Variants in CYP26C1 observed in about 807,000 individuals in gnomAD.
CYP26C1 encodes cytochrome P450 family 26 subfamily C member 1, also known as cytochrome P450 26C1.
CYP26C1 carries 41 observed loss-of-function variants against 39.1 expected under a neutral mutation model. The observed-to-expected ratio is 1.05, with a 90% CI of 0.82 to 1.36. The LOEUF is 1.36. Ranked by LOEUF, CYP26C1 falls within the 40% of genes most tolerant of loss-of-function variation. The pLI, the probability that CYP26C1 is intolerant of heterozygous loss-of-function variation, is 0.00. For missense variants in CYP26C1, 833 were observed against 752.0 expected (o/e 1.11, Z -1.26); for synonymous variants, 362 against 350.8 (o/e 1.03, Z -0.36).
At chr10:93,064,813 T>C (rs557397500) in intron 4 of CYP26C1, 35 of 1,132,458 alleles carry the variant, frequency 3.1e-5, no homozygotes, top group Non-Finnish European at 3.8e-5. Flanking sequence ...AATGGCTCTC[T>C]CTCCTTTCCT....
chr10:93,061,283 G>C lies in CYP26C1; in HGVS notation c.20G>C (p.Ser7Thr). 6.3e-7 allele frequency: 1 copy of C among 1,589,588 alleles called. No individual in the cohort carries two copies. Among genetic ancestry groups the C allele is most frequent in the African/African-American group, 1.3e-5 (1 of 74,756 alleles). Residue 7 changes from serine to threonine, a missense_variant, in exon 1 of 6, where the codon AGC becomes ACC. Coordinates refer to ENST00000651965, the MANE Select transcript of CYP26C1 (RefSeq NM_183374.3). MFPWGLSCLSVLGAAGT... is the reference protein window; with the variant it reads MFPWGLTCLSVLGAAGT... ...CTCATCATGTTCCCTTGGGGGCTGAGCTGCCTGTCAGTGCTGGGGGCGGCG... is the reference window on the plus strand; with the variant it reads ...CTCATCATGTTCCCTTGGGGGCTGACCTGCCTGTCAGTGCTGGGGGCGGCG...
At chr10:93,066,796 C>T (rs549038204) in intron 5 of CYP26C1, among the ~76,000 whole-genome samples, 2 of 152,316 alleles carry the variant, frequency 1.3e-5, no homozygotes, top group South Asian at 4.1e-4. Context: ...GTAGACGCTT[C>T]ATCTCTGATC....
rs1050342156 is a variant in CYP26C1, at chr10:93,063,751, T to A, written c.706-630T>A. 6.1e-6 allele frequency: 6 copies of A among 982,596 alleles called. No homozygotes were observed. The South Asian group carries it at 1.4e-4, about 23-fold the overall frequency. The allele number at this position is 982,596 out of a possible 1,614,324, so 60.9% of individuals were successfully genotyped here. On this transcript the variant is annotated intron_variant, in intron 3 of 5. Coordinates refer to ENST00000651965, the MANE Select transcript of CYP26C1 (RefSeq NM_183374.3). ...ATTCTCATTTTATTGGCCAAACTTA[T>A]TTTATTGACTTACCCAAGATCACAC...
Position 93,062,224 on chromosome 10 carries a change from G to C in CYP26C1, c.419G>C (p.Arg140Pro). ...LLGAVGEPHR[R>P]RRKVLARVFS... is the part of the protein sequence containing the mutation. Reference sequence around the variant, plus strand: ...GGTGCGGTCGGCGAGCCGCACCGGCGGCGGCGCAAGGTGAGTGGAAACGGG... The same window carrying C: ...GGTGCGGTCGGCGAGCCGCACCGGCCGCGGCGCAAGGTGAGTGGAAACGGG... The change falls in exon 2 of 6, where the codon CGG becomes CCG. Residue 140 changes from arginine to proline, a missense_variant. Transcript: ENST00000651965. 6.6e-7 allele frequency: 1 copy of C among 1,522,934 alleles called. No individual in the cohort carries two copies. Among genetic ancestry groups the C allele is most frequent in the Non-Finnish European group, 8.8e-7 (1 of 1,139,208 alleles). 94.3% of individuals were successfully genotyped at this position (1,522,934 alleles called of 1,614,324 possible). A position where few individuals can be genotyped will look rare whatever the true frequency, so the allele number is the denominator to read the frequency against.
In CYP26C1 at chr10:93,061,999, C is replaced by T. The variant is rs374838912; in HGVS notation, c.205-11C>T. ...GAAGTTCCAGCTCTCCACCCTCCGC[C>T]TCGCCCGCAGGGCTCGCGCTTCCAC... On this transcript the variant is annotated splice_polypyrimidine_tract_variant and intron_variant, in intron 1 of 5. Coordinates refer to ENST00000651965, the MANE Select transcript of CYP26C1 (RefSeq NM_183374.3). 6 of 1,553,092 alleles carry T rather than the reference C, an allele frequency of 3.9e-6. No individual in the cohort carries two copies. The South Asian group carries it at 7.1e-5, about 18-fold the overall frequency.
chr10:93,068,635 G>A lies in CYP26C1; in HGVS notation c.1507G>A (p.Gly503Arg), dbSNP rs753971732. The change falls in exon 6 of 6, where the codon GGG becomes AGG. Residue 503 changes from glycine (G) to arginine (R), a missense_variant. Coordinates refer to ENST00000651965, the MANE Select transcript of CYP26C1 (RefSeq NM_183374.3). ...QTVPIVHPVD[G>R]LRLFFHPLTP... ...GGTGCCCATCGTGCACCCAGTGGAC[G>A]GGCTGCGGCTCTTTTTCCACCCCCT... The A allele has an allele frequency of 3.3e-5, 52 of 1,598,334 alleles. No homozygotes were observed. Among genetic ancestry groups the A allele is most frequent in the Non-Finnish European group, 4.4e-5 (52 of 1,172,720 alleles).
rs985535496 is a variant in CYP26C1, at chr10:93,065,879, C to T, written c.862-77C>T. On this transcript the variant is annotated intron_variant, in intron 4 of 5. Transcript: ENST00000651965. ...AATAGTAAATTTGGGTGCTTTTCAT[C>T]TCCACGGGGCCGTCGGGTCAGCGCC... 1.2e-5 allele frequency: 16 copies of T among 1,350,482 alleles called. No individual in the cohort carries two copies. In the Middle Eastern group the frequency reaches 1.8e-3, roughly 155 times the overall value. 83.7% of individuals were successfully genotyped at this position (1,350,482 alleles called of 1,614,324 possible).
At position 93,068,603 on chromosome 10, in the gene CYP26C1, T is replaced by C. The variant is rs946933283; in HGVS notation, c.1475T>C (p.Met492Thr). 41 of 1,600,384 alleles carry C rather than the reference T, an allele frequency of 2.6e-5. No individual in the cohort carries two copies. The highest frequency in any genetic ancestry group is 3.3e-5 in the Non-Finnish European group (39 of 1,174,384). ...WELATPAFPA[M>T]QTVPIVHPVD... Reference sequence around the variant, plus strand: ...CTGGCCACACCCGCCTTCCCCGCCATGCAGACGGTGCCCATCGTGCACCCA... The same window carrying C: ...CTGGCCACACCCGCCTTCCCCGCCACGCAGACGGTGCCCATCGTGCACCCA... Residue 492 changes from methionine to threonine, a missense_variant, in exon 6 of 6, where the codon ATG becomes ACG. By Grantham distance (81) the Met-to-Thr change is moderately conservative (BLOSUM62 -1). Coordinates refer to ENST00000651965, the MANE Select transcript of CYP26C1 (RefSeq NM_183374.3).
chr10:93,068,859 A>C lies in CYP26C1; in HGVS notation c.*162A>C, dbSNP rs1249685423. The C allele has an allele frequency of 7.9e-7, 1 of 1,270,900 alleles. No individual in the cohort carries two copies. Among genetic ancestry groups the C allele is most frequent in the Non-Finnish European group, 1.0e-6 (1 of 972,092 alleles). 78.7% of individuals were successfully genotyped at this position (1,270,900 alleles called of 1,614,324 possible). The stretch of plus-strand genomic sequence containing the variant: ...ACGCGGATGTGTGCCGGACTCGAGG[A>C]AGGAGGAGGGCGAGCCACCGCTGCC... On this transcript the variant is annotated 3_prime_UTR_variant, in exon 6 of 6. Transcript: ENST00000651965.
rs972258158 is a variant in CYP26C1, at chr10:93,062,162, G to A, written c.357G>A (p.Gln119=). The A allele has an allele frequency of 1.3e-5, 20 of 1,540,194 alleles. No homozygotes were observed. Among genetic ancestry groups the A allele is most frequent in the Non-Finnish European group, 1.7e-5 (19 of 1,146,708 alleles). ...GCCTGGTGCGCAGCCAGTGGCCGCA[G>A]AGTGCGCACATCCTGCTGGGCTCGC... ...EHRLVRSQWP[Q]SAHILLGSHT... Residue 119 remains glutamine (Q), a synonymous_variant, in exon 2 of 6, where the codon CAG becomes CAA. Coordinates refer to ENST00000651965, the MANE Select transcript of CYP26C1 (RefSeq NM_183374.3).
Position 93,061,374 on chromosome 10 carries a change from G to C in CYP26C1, c.111G>C (p.Trp37Cys). The C allele has an allele frequency of 6.4e-7, 1 of 1,573,854 alleles. No homozygotes were observed. Among genetic ancestry groups the C allele is most frequent in the Non-Finnish European group, 8.6e-7 (1 of 1,159,988 alleles). Residue 37 changes from tryptophan (W) to cysteine (C), a missense_variant, in exon 1 of 6, where the codon TGG becomes TGC. Physicochemically the swap from Trp to Cys is radical, Grantham distance 215. Transcript: ENST00000651965. ...SLAQHLWTLR[W>C]MLSRDRASTL... ...CCCAGCACCTCTGGACCCTCCGCTGGATGCTGAGCCGGGACCGGGCCTCCA... is the reference window on the plus strand; with the variant it reads ...CCCAGCACCTCTGGACCCTCCGCTGCATGCTGAGCCGGGACCGGGCCTCCA...
chr10:93,065,141 A>G (rs1312925902), intron 4 of CYP26C1, among the ~76,000 whole-genome samples: 1 of 152,074 alleles, frequency 6.6e-6, no homozygotes, highest in Non-Finnish European at 1.5e-5. Flanking sequence ...TGAGCACCCA[A>G]AAAGGAGTGG....
At position 93,065,817 on chromosome 10, in the gene CYP26C1, G is replaced by A. The variant is rs955445388; in HGVS notation, c.862-139G>A. 1.1e-5 allele frequency: 8 copies of A among 724,416 alleles called. No homozygotes were observed. The African/African-American group carries it at 1.3e-4, about 12-fold the overall frequency. 44.9% of individuals were successfully genotyped at this position (724,416 alleles called of 1,614,324 possible). A position where few individuals can be genotyped will look rare whatever the true frequency, so the allele number is the denominator to read the frequency against. On this transcript the variant is annotated intron_variant, in intron 4 of 5. Transcript: ENST00000651965. ...ACTTCAAAACCGTACACACAGTCGCGGCGGTAATAGCACTTCCCTGCCCCC... is the reference window on the plus strand; with the variant it reads ...ACTTCAAAACCGTACACACAGTCGCAGCGGTAATAGCACTTCCCTGCCCCC...
In CYP26C1 at chr10:93,061,535, T is replaced by G. The variant is rs890479982; in HGVS notation, c.204+68T>G. 25 of 1,511,248 alleles carry G rather than the reference T, an allele frequency of 1.7e-5. 1 individual carries two copies. The African/African-American group carries it at 2.6e-4, about 16-fold the overall frequency. The allele number at this position is 1,511,248 out of a possible 1,614,324, so 93.6% of individuals were successfully genotyped here. ...TCCCCCGGCTCCCACTGGACCCTCCTCAGTCTCAATGCCCATGGGATTTGT... is the reference window on the plus strand; with the variant it reads ...TCCCCCGGCTCCCACTGGACCCTCCGCAGTCTCAATGCCCATGGGATTTGT... On this transcript the variant is annotated intron_variant, in intron 1 of 5. Transcript: ENST00000651965.
Position 93,061,067 on chromosome 10 carries a change from A to C in CYP26C1, c.-197A>C. On this transcript the variant is annotated 5_prime_UTR_variant, in exon 1 of 6. Coordinates refer to ENST00000651965, the MANE Select transcript of CYP26C1 (RefSeq NM_183374.3). ...AGGAAGGCACGTTCCCTAAGGGCGC[A>C]CGGTCACTGCAGTCTTTCACCGTCC... 1.7e-6 allele frequency: 1 copy of C among 583,424 alleles called. No individual in the cohort carries two copies. The highest frequency in any genetic ancestry group is 2.4e-5 in the South Asian group (1 of 41,346). 36.1% of individuals were successfully genotyped at this position (583,424 alleles called of 1,614,324 possible). A position where few individuals can be genotyped will look rare whatever the true frequency, so the allele number is the denominator to read the frequency against.
At chr10:93,065,018 G>T (rs562002318) in intron 4 of CYP26C1, among the ~76,000 whole-genome samples, 1 of 152,048 alleles carries the variant, frequency 6.6e-6, no homozygotes, top group South Asian at 2.1e-4. Context: ...ACCTCTATCC[G>T]TCTGTCTTGT....
Position 93,068,365 on chromosome 10 carries a change from G to C in CYP26C1, c.1237G>C (p.Asp413His). The change falls in exon 6 of 6, where the codon GAC becomes CAC. Residue 413 changes from aspartate to histidine, a missense_variant. By Grantham distance (81) the Asp-to-His change is moderately conservative (BLOSUM62 -1). Transcript: ENST00000651965. Reference protein sequence around the residue: ...KGWSVMYSIRDTHETAAVYRS... With the variant: ...KGWSVMYSIRHTHETAAVYRS... The stretch of plus-strand genomic sequence containing the variant: ...CTGGAGCGTGATGTATAGCATCCGG[G>C]ACACGCACGAGACGGCTGCGGTGTA... 6.4e-7 allele frequency: 1 copy of C among 1,569,674 alleles called. No individual in the cohort carries two copies. Among genetic ancestry groups the C allele is most frequent in the South Asian group, 1.2e-5 (1 of 84,738 alleles).
At chr10:93,065,015 T>C (rs1399588223) in intron 4 of CYP26C1, among the ~76,000 whole-genome samples, 9 of 152,334 alleles carry the variant, frequency 5.9e-5, no homozygotes, top group Admixed American at 5.9e-4. Context: ...GGTACCTCTA[T>C]CCGTCTGTCT....
chr10:93,062,830 A>C lies in CYP26C1; in HGVS notation c.540A>C (p.Ser180=). 6.3e-7 allele frequency: 1 copy of C among 1,580,352 alleles called. No homozygotes were observed. Among genetic ancestry groups the C allele is most frequent in the Non-Finnish European group, 8.6e-7 (1 of 1,169,218 alleles). ...RSWCAAGGPV[S]VYDASKALTF... ...GGTGCGCGGCGGGCGGGCCGGTCTC[A>C]GTCTACGACGCCTCCAAAGCGCTCA... is the stretch of plus-strand genomic sequence containing the variant. The change falls in exon 3 of 6, where the codon TCA becomes TCC. Residue 180 remains serine, a synonymous_variant. Transcript: ENST00000651965.
Sources: gnomAD v4.1 joint callset for allele counts (sites outside exome capture counted in the v4.1 genomes callset) on GRCh38, gnomAD v4.1.1 for gene constraint, MANE v1.5 for transcripts, NCBI Gene and HGNC (gene_info 2026-07-23, HGNC 2026-07-21) for gene names.